The following GRIK2 variants were observed in gnomAD, a reference collection of about 807,000 sequenced individuals.
GRIK2 encodes glutamate receptor ionotropic, kainate 2.
In GRIK2, 32 loss-of-function variants were observed where a neutral mutation model predicts 100.3. That is an observed-to-expected ratio of 0.32 (90% CI 0.24 to 0.43). GRIK2 has a LOEUF of 0.43. Ranked by LOEUF, GRIK2 falls within the 20% of genes least tolerant of loss-of-function variation. GRIK2 has a pLI of 1.00. For synonymous variants in GRIK2, 417 were observed against 389.4 expected, an observed-to-expected ratio of 1.07 and a Z score of -0.83; for missense variants, 843 against 1,114.9, an observed-to-expected ratio of 0.76 and a Z score of 3.47.
intron 2 of GRIK2, among the ~76,000 whole-genome samples, chr6:101,618,043 G>A (rs962742570): frequency 6.6e-6 from 1 of 151,486 alleles, no homozygotes; most frequent in South Asian, 2.1e-4. Flanking sequence ...CTCTGATTAG[G>A]AAGTTCTTAA....
chr6:101,970,314 A>G lies in GRIK2; in HGVS notation c.2085+41682A>G, dbSNP rs1410712984. Among the ~76,000 whole-genome samples, 5 of 151,872 alleles carry G rather than the reference A, an allele frequency of 3.3e-5. No homozygotes were observed. In the East Asian group the frequency reaches 5.8e-4, roughly 18 times the overall value. On this transcript the variant is annotated intron_variant, in intron 14 of 16. Transcript: ENST00000369134. ...CCCCAAAATTTGGGCTTGGCCCAGG[A>G]TGGTTCTTGCCATCACCCAGGAAAG...
chr6:101,566,927 T>C (rs552265725), intron 2 of GRIK2, among the ~76,000 whole-genome samples: 1 of 150,734 alleles, frequency 6.6e-6, no homozygotes, highest in East Asian at 1.9e-4. Context: ...ACATACATTT[T>C]CTATAATAGA....
At chr6:101,829,185 A>T (rs900068399) in intron 10 of GRIK2, among the ~76,000 whole-genome samples, 1 of 152,106 alleles carries the variant, frequency 6.6e-6, no homozygotes, top group East Asian at 1.9e-4. Context: ...ATAGATGCAG[A>T]AATGCATTCA....
chr6:101,419,443 C>T (rs79631836), intron 2 of GRIK2, among the ~76,000 whole-genome samples: 3,604 of 152,278 alleles, frequency 0.024, 56 homozygotes, highest in Non-Finnish European at 0.038. Context: ...AGATTCTCTA[C>T]AGCTACAGTG....
At chr6:101,844,588 A>T (rs1783699173) in intron 10 of GRIK2, among the ~76,000 whole-genome samples, 1 of 152,204 alleles carries the variant, frequency 6.6e-6, no homozygotes, top group African/African-American at 2.4e-5. Flanking sequence ...TGCTAGTTTT[A>T]AATAATTTGG....
At chr6:101,577,202 A>G (rs1777831576) in intron 2 of GRIK2, among the ~76,000 whole-genome samples, 1 of 151,866 alleles carries the variant, frequency 6.6e-6, no homozygotes, top group Non-Finnish European at 1.5e-5. Flanking sequence ...GTAACTTTGC[A>G]TCTGACATAG....
intron 4 of GRIK2, among the ~76,000 whole-genome samples, chr6:101,647,382 G>A (rs1781580205): frequency 6.6e-6 from 1 of 151,982 alleles, no homozygotes; most frequent in African/African-American, 2.4e-5. Flanking sequence ...GTTAAGACAT[G>A]TGGAAAACAT....
intron 2 of GRIK2, among the ~76,000 whole-genome samples, chr6:101,592,610 T>TATATATATAG (rs1778718413): frequency 7.3e-6 from 1 of 137,248 alleles, no homozygotes; most frequent in African/African-American, 2.9e-5. Context: ...TATATATATA[T>TATATATATAG]ATATATATAT....
In GRIK2 at chr6:101,502,405, C is replaced by T. The variant is rs79476785; in HGVS notation, c.115+103013C>T. Among the ~76,000 whole-genome samples, 582 of 151,532 alleles carry T rather than the reference C, an allele frequency of 3.8e-3. 13 individuals carry two copies. Among genetic ancestry groups the T allele is most frequent in the East Asian group, 0.027 (138 of 5,144 alleles). On this transcript the variant is annotated intron_variant, in intron 2 of 16. Coordinates refer to ENST00000369134, the MANE Select transcript of GRIK2 (RefSeq NM_021956.5). ...GACACATTTAAATATCCATCATTAG[C>T]GAGAAGTTAAATGAATCTTGGTGTA...
At chr6:101,905,469 GTGT>G (rs1389722580) in intron 12 of GRIK2, among the ~76,000 whole-genome samples, 2 of 151,502 alleles carry the variant, frequency 1.3e-5, no homozygotes, top group Non-Finnish European at 3.0e-5. Context: ...ATTTGACCAA[GTGT>G]TGTTTGTTTC....
chr6:101,892,739 A>C (rs1007666516), intron 12 of GRIK2, among the ~76,000 whole-genome samples: 1 of 151,848 alleles, frequency 6.6e-6, no homozygotes. Context: ...TGTATTAAGC[A>C]ATATATAATA....
At chr6:101,949,243 A>T (rs938087798) in intron 14 of GRIK2, among the ~76,000 whole-genome samples, 1 of 151,528 alleles carries the variant, frequency 6.6e-6, no homozygotes, top group Non-Finnish European at 1.5e-5. Context: ...TTGCCTCCAT[A>T]GGATTTTTAA....
chr6:101,907,558 C>G (rs1318493299), intron 12 of GRIK2, among the ~76,000 whole-genome samples: 1 of 151,650 alleles, frequency 6.6e-6, no homozygotes, highest in Non-Finnish European at 1.5e-5. Context: ...CATTTAGCCA[C>G]CCAGTGACAG....
chr6:101,475,565 G>GT (rs924275841), intron 2 of GRIK2, among the ~76,000 whole-genome samples: 19 of 151,688 alleles, frequency 1.3e-4, no homozygotes, highest in African/African-American at 3.1e-4. Flanking sequence ...ACTTGTTTCT[G>GT]TTTTTTTGTG....
intron 11 of GRIK2, among the ~76,000 whole-genome samples, chr6:101,875,351 C>T (rs927728820): frequency 6.6e-6 from 1 of 151,814 alleles, no homozygotes; most frequent in South Asian, 2.1e-4. Flanking sequence ...TTTTTAAGTA[C>T]TATCGCTAGT....
At position 101,799,696 on chromosome 6, in the gene GRIK2, G is replaced by A. The variant is rs756832165; in HGVS notation, c.1000G>A (p.Val334Ile). 50 of 1,612,082 alleles carry A rather than the reference G, an allele frequency of 3.1e-5. No homozygotes were observed. The highest frequency in any genetic ancestry group is 1.5e-4 in the South Asian group (14 of 91,050). ...TGCTGTGCATGTGGTGTCTGTGGCC[G>A]TTCAACAGTTTCCCCAGATGACAGT... ...YDAVHVVSVA[V>I]QQFPQMTVSS... is the part of the protein sequence containing the mutation. The change falls in exon 8 of 17, where the codon GTT becomes ATT. Residue 334 changes from valine (V) to isoleucine (I), a missense_variant. Physicochemically the swap from Val to Ile is conservative, Grantham distance 29. Coordinates refer to ENST00000369134, the MANE Select transcript of GRIK2 (RefSeq NM_021956.5).
rs954820222 is a variant in GRIK2 at position 102,069,646 on chromosome 6, T to A, written c.*1135T>A. On this transcript the variant is annotated 3_prime_UTR_variant, in exon 17 of 17. Transcript: ENST00000369134. ...TCTTGAACAGTTTTTTTTCAAAAAATGTTCAGGTTTATTTGTGGAAATGCA... is the reference window on the plus strand; with the variant it reads ...TCTTGAACAGTTTTTTTTCAAAAAAAGTTCAGGTTTATTTGTGGAAATGCA... 2.0e-5 allele frequency: 3 copies of A among 151,818 alleles called. No homozygotes were observed. The highest frequency in any genetic ancestry group is 6.6e-5 in the Admixed American group (1 of 15,172). The allele number at this position is 151,818 out of a possible 1,614,324, so 9.4% of individuals were successfully genotyped here. A position where few individuals can be genotyped will look rare whatever the true frequency, so the allele number is the denominator to read the frequency against.
chr6:101,988,642 G>A (rs960661653), intron 14 of GRIK2, among the ~76,000 whole-genome samples: 4 of 151,802 alleles, frequency 2.6e-5, no homozygotes, highest in African/African-American at 7.2e-5. Flanking sequence ...CCTAGAATAC[G>A]TGGTTAATGG....
At chr6:101,489,624 A>T (rs1773002834) in intron 2 of GRIK2, among the ~76,000 whole-genome samples, 1 of 145,918 alleles carries the variant, frequency 6.9e-6, no homozygotes, top group Non-Finnish European at 1.5e-5. Flanking sequence ...AGTCAAAGAA[A>T]TTTTTTTAGG....
Sources: gnomAD v4.1 joint callset for allele counts (sites outside exome capture counted in the v4.1 genomes callset) on GRCh38, gnomAD v4.1.1 for gene constraint, MANE v1.5 for transcripts, NCBI Gene and HGNC (gene_info 2026-07-23, HGNC 2026-07-21) for gene names.